CAPRIN1: variants seen among roughly 807,000 people sequenced by gnomAD.
CAPRIN1 encodes the protein caprin-1.
A neutral mutation model predicts 100.9 loss-of-function variants in CAPRIN1; 29 were observed. The ratio of observed to expected loss-of-function variants is 0.29; its 90% confidence interval spans 0.21 to 0.39. CAPRIN1 has a LOEUF of 0.39. Among genes scored for constraint, CAPRIN1 ranks in the 10% least tolerant of loss-of-function variants. The pLI, the probability that CAPRIN1 is intolerant of heterozygous loss-of-function variation, is 1.00. For synonymous variants in CAPRIN1, 338 were observed against 307.5 expected, an observed-to-expected ratio of 1.10 and a Z score of -1.04; for missense variants, 795 against 876.7, an observed-to-expected ratio of 0.91 and a Z score of 1.18.
At chr11:34,097,159 A>G (rs756306713) in intron 16 of CAPRIN1, 37 bp from the exon 17 acceptor site, 13 of 1,424,602 alleles carry the variant, frequency 9.1e-6, no homozygotes, top group Middle Eastern at 1.8e-4. Context: ...CCTTGTGAAG[A>G]TAAGAAAATT....
chr11:34,098,296 G>A, intron 18 of CAPRIN1: 1 of 984,506 alleles, frequency 1.0e-6, no homozygotes, highest in Non-Finnish European at 1.2e-6. Flanking sequence ...TAAATATCAA[G>A]TTATTTCTGA....
intron 2 of CAPRIN1, among the ~76,000 whole-genome samples, chr11:34,059,357 C>T (rs1370999534): frequency 2.0e-5 from 3 of 151,802 alleles, no homozygotes; most frequent in Admixed American, 2.0e-4. Flanking sequence ...CAACCTCCGC[C>T]TCCTGGGTTC....
rs947351093 is a variant in CAPRIN1, at chr11:34,100,585, T to C, written c.*1218T>C. ...TGCCACGTTAGTGTCACAAATTTTATGGTTTATCTCCAGCAACATTTCTCT... is the reference window on the plus strand; with the variant it reads ...TGCCACGTTAGTGTCACAAATTTTACGGTTTATCTCCAGCAACATTTCTCT... On this transcript the variant is annotated 3_prime_UTR_variant, in exon 19 of 19. Transcript: ENST00000341394. The C allele has an allele frequency of 6.6e-6, 1 of 152,220 alleles. No homozygotes were observed. Among genetic ancestry groups the C allele is most frequent in the Non-Finnish European group, 1.5e-5 (1 of 68,026 alleles). 9.4% of individuals were successfully genotyped at this position (152,220 alleles called of 1,614,324 possible).
At chr11:34,074,671 T>A (rs964554115) in intron 4 of CAPRIN1, among the ~76,000 whole-genome samples, 1 of 152,118 alleles carries the variant, frequency 6.6e-6, no homozygotes, top group Non-Finnish European at 1.5e-5. Flanking sequence ...TCACCTGAGG[T>A]CAGAAGTTCG....
intron 8 of CAPRIN1, 21 bp from the exon 9 acceptor site, chr11:34,082,934 A>G (rs1851062310): frequency 6.2e-7 from 1 of 1,610,944 alleles, no homozygotes; most frequent in South Asian, 1.1e-5. Flanking sequence ...AAATGTCTCA[A>G]ACATTTACTT....
chr11:34,058,142 G>T (rs115133060), intron 2 of CAPRIN1, among the ~76,000 whole-genome samples: 6 of 151,884 alleles, frequency 4.0e-5, no homozygotes, highest in African/African-American at 1.2e-4. Context: ...CAAAATTCTC[G>T]CAGTTTTTTT....
intron 2 of CAPRIN1, 90 bp downstream of exon 2, chr11:34,052,726 C>T (rs1223642378): frequency 2.7e-6 from 4 of 1,457,702 alleles, no homozygotes; most frequent in Non-Finnish European, 3.7e-6. Flanking sequence ...CGCTTCTTTT[C>T]GTCTCGGGAG....
At chr11:34,072,818 G>A (rs1033752865) in intron 4 of CAPRIN1, among the ~76,000 whole-genome samples, 1 of 152,154 alleles carries the variant, frequency 6.6e-6, no homozygotes, top group African/African-American at 2.4e-5. Flanking sequence ...GTCAACTTTG[G>A]ACCACATATA....
intron 12 of CAPRIN1, among the ~76,000 whole-genome samples, chr11:34,089,686 A>G (rs1026803804): frequency 6.6e-6 from 1 of 152,182 alleles, no homozygotes; most frequent in African/African-American, 2.4e-5. Context: ...GAAAGAAAAT[A>G]AGAATTTCAT....
intron 2 of CAPRIN1, among the ~76,000 whole-genome samples, chr11:34,067,766 T>C (rs1850727552): frequency 6.6e-6 from 1 of 152,202 alleles, no homozygotes; most frequent in South Asian, 2.1e-4. Context: ...CCCAAAGTGC[T>C]GGGATTGCAG....
chr11:34,086,936 G>C (rs1347017335), intron 11 of CAPRIN1, among the ~76,000 whole-genome samples: 2 of 152,056 alleles, frequency 1.3e-5, no homozygotes, highest in Non-Finnish European at 2.9e-5. Context: ...GAGAATTTCT[G>C]GATTTTATTA....
In CAPRIN1 at chr11:34,101,842, A is replaced by G. The variant is rs1851459245; in HGVS notation, c.*2475A>G. Among the ~76,000 whole-genome samples, 1 of 152,154 alleles carries G rather than the reference A, an allele frequency of 6.6e-6. No homozygotes were observed. Among genetic ancestry groups the G allele is most frequent in the South Asian group, 2.1e-4 (1 of 4,828 alleles). On this transcript the variant is annotated 3_prime_UTR_variant, in exon 19 of 19. Coordinates refer to ENST00000341394, the MANE Select transcript of CAPRIN1 (RefSeq NM_005898.5). Reference sequence around the variant, plus strand: ...CATATTTTAGCAGAGTTTCAAGGAAATGATTGTCACACATGTCACTGTAGC... The same window carrying G: ...CATATTTTAGCAGAGTTTCAAGGAAGTGATTGTCACACATGTCACTGTAGC...
At chr11:34,067,582 T>A (rs763031933) in intron 2 of CAPRIN1, among the ~76,000 whole-genome samples, 6 of 152,002 alleles carry the variant, frequency 3.9e-5, no homozygotes, top group Non-Finnish European at 8.8e-5. Context: ...ACTTCCGACT[T>A]GTGGTCTCGT....
At chr11:34,064,571 T>C (rs988492870) in intron 2 of CAPRIN1, among the ~76,000 whole-genome samples, 7 of 152,218 alleles carry the variant, frequency 4.6e-5, no homozygotes, top group African/African-American at 1.7e-4. Context: ...TTTATAGCTA[T>C]AGTAATAGCT....
chr11:34,080,611 A>G (rs1851008630), intron 7 of CAPRIN1, among the ~76,000 whole-genome samples: 1 of 152,260 alleles, frequency 6.6e-6, no homozygotes, highest in Admixed American at 6.5e-5. Flanking sequence ...TTAACTGTGA[A>G]TACTTTTATG....
intron 16 of CAPRIN1, 51 bp downstream of exon 16, chr11:34,096,724 T>A (rs755057816): frequency 7.1e-7 from 1 of 1,406,036 alleles, no homozygotes. Flanking sequence ...GTTCAAATTA[T>A]TTTTTGATTT....
chr11:34,092,388 A>C (rs1477514743), intron 15 of CAPRIN1, among the ~76,000 whole-genome samples: 1 of 145,782 alleles, frequency 6.9e-6, no homozygotes, highest in Admixed American at 7.0e-5. Context: ...ATGGGGTCTC[A>C]CTCTGTCACC....
chr11:34,095,219 G>A (rs1040728165), intron 15 of CAPRIN1, among the ~76,000 whole-genome samples: 5 of 144,774 alleles, frequency 3.5e-5, no homozygotes, highest in African/African-American at 1.3e-4. Flanking sequence ...CTTACAGTGA[G>A]ATTTGATCAA....
intron 2 of CAPRIN1, 192 bp downstream of exon 2, chr11:34,052,828 A>G (rs1850355956): frequency 6.9e-7 from 1 of 1,447,714 alleles, no homozygotes; most frequent in South Asian, 1.5e-5. Flanking sequence ...GGCTCTTGGA[A>G]GAGGCACTTG....
Sources: allele counts gnomAD v4.1 joint callset (sites outside exome capture counted in the v4.1 genomes callset), GRCh38; gene constraint gnomAD v4.1.1; transcripts MANE v1.5; gene names NCBI Gene and HGNC (gene_info 2026-07-23, HGNC 2026-07-21).